The following DAB2IP variants were observed in gnomAD, a reference collection of about 807,000 sequenced individuals.
DAB2IP encodes the protein disabled homolog 2-interacting protein.
In DAB2IP, 28 loss-of-function variants were observed where a neutral mutation model predicts 107.2. That is an observed-to-expected ratio of 0.26 (90% CI 0.19 to 0.36). The LOEUF (loss-of-function observed/expected upper bound fraction) is 0.36. Among genes scored for constraint, DAB2IP ranks in the 10% least tolerant of loss-of-function variants. The pLI is 1.00. For synonymous variants in DAB2IP, 755 were observed against 706.4 expected (o/e 1.07, Z -1.09); for missense variants, 1,400 against 1,644.7 (o/e 0.85, Z 2.57).
intron 2 of DAB2IP, among the ~76,000 whole-genome samples, chr9:121,694,330 C>T (rs944183903): frequency 6.6e-6 from 1 of 152,174 alleles, no homozygotes; most frequent in Non-Finnish European, 1.5e-5. Context: ...AAATCCAAAA[C>T]ATCCTGAATT....
chr9:121,737,834 A>G (rs1832039082), intron 3 of DAB2IP: 1 of 966,260 alleles, frequency 1.0e-6, no homozygotes, highest in South Asian at 4.8e-5. Flanking sequence ...GAGGGTGAGG[A>G]GCTGTTTCTC....
At position 121,701,062 on chromosome 9, in the gene DAB2IP, C is replaced by T. The variant is rs547868476; in HGVS notation, c.362+1604C>T. 5.9e-5 allele frequency among the ~76,000 whole-genome samples: 9 copies of T among 152,268 alleles called. No individual in the cohort carries two copies. In the East Asian group the frequency reaches 1.2e-3, roughly 20 times the overall value. On this transcript the variant is annotated intron_variant, in intron 3 of 15. Transcript: ENST00000408936. The surrounding 1 kb of genome is among the most constrained non-coding windows in gnomAD (Gnocchi z 4.7). ...TTCCCCAGGAACATGCCCTTCTCCG[C>T]GCTTTCCTTGGCGGGGGTCAGGACC...
chr9:121,592,371 A>AAAAAAAAG lies in DAB2IP; in HGVS notation c.40+25149_40+25150insAGAAAAAA, dbSNP rs571682460. Among the ~76,000 whole-genome samples the AAAAAAAAG allele has an allele frequency of 3.5e-3, 531 of 152,212 alleles. 2 individuals carry two copies. The highest frequency in any genetic ancestry group is 0.012 in the African/African-American group (510 of 41,502). On this transcript the variant is annotated intron_variant, in intron 1 of 16. Coordinates refer to the DAB2IP transcript ENST00000259371. The stretch of plus-strand genomic sequence containing the variant: ...ACAGAGCAAGACTCCATCTCAAAAA[A>AAAAAAAAG]AAAAAAGAAAAAAGAAAAATGGCAG...
chr9:121,582,721 A>G (rs910014837), intron 1 of DAB2IP, among the ~76,000 whole-genome samples: 3 of 152,134 alleles, frequency 2.0e-5, no homozygotes, highest in African/African-American at 4.8e-5. Flanking sequence ...CTAAGCCTCT[A>G]CAGTTTCCAT....
At chr9:121,768,464 T>C (rs762851565) in exon 10 of DAB2IP, 1 of 1,614,234 alleles carries the variant, frequency 6.2e-7, no homozygotes, top group Admixed American at 1.7e-5. Context: ...ATGTCCTTCA[T>C]GAACCAGTTC....
exon 16 of DAB2IP, chr9:121,783,346 C>A: frequency 6.8e-7 from 1 of 1,464,380 alleles, no homozygotes; most frequent in South Asian, 1.4e-5. Context: ...GGCCAGATGG[C>A]TCTGAGCACT....
exon 2 of DAB2IP, chr9:121,678,755 T>A: frequency 6.3e-7 from 1 of 1,598,256 alleles, no homozygotes. Context: ...CATGGAGCCC[T>A]CGGCCGCCAC....
intron 8 of DAB2IP, among the ~76,000 whole-genome samples, chr9:121,766,108 T>C (rs929985374): frequency 1.3e-5 from 2 of 152,168 alleles, no homozygotes; most frequent in East Asian, 1.9e-4. Context: ...AAAAATGAAG[T>C]AGACACTGGC....
At chr9:121,641,995 T>TTCTCTCTCTCTCTCTCTCTCTC (rs71370683) in intron 1 of DAB2IP, among the ~76,000 whole-genome samples, 12 of 35,008 alleles carry the variant, frequency 3.4e-4, no homozygotes, top group Admixed American at 3.6e-4. Flanking sequence ...TTTCTTTCCT[T>TTCTCTCTCTCTCTCTCTCTCTC]TCTCTCTCTC....
intron 1 of DAB2IP, among the ~76,000 whole-genome samples, chr9:121,572,395 GATGA>G (rs141995347): frequency 0.011 from 1,645 of 151,564 alleles, 41 homozygotes; most frequent in African/African-American, 0.037. Flanking sequence ...ATACTCAGTG[GATGA>G]ATGAATGAAT....
Position 121,776,431 on chromosome 9 carries a change from C to T in DAB2IP, c.3314+40C>T, listed in dbSNP as rs1415082745. 2.0e-6 allele frequency: 3 copies of T among 1,471,278 alleles called. No individual in the cohort carries two copies. Among genetic ancestry groups the T allele is most frequent in the African/African-American group, 1.4e-5 (1 of 69,920 alleles). 91.1% of individuals were successfully genotyped at this position (1,471,278 alleles called of 1,614,324 possible). On this transcript the variant is annotated intron_variant, in intron 14 of 15. Transcript: ENST00000408936. This position sits in a 1 kb window ranked among gnomAD's most constrained non-coding sequence, Gnocchi z 5.4. ...TGCCTGGCCTGGCCACAGGCACAGG[C>T]AGGGCAGCCATCGCTGCCTTCGAGG... is the stretch of plus-strand genomic sequence containing the variant.
At chr9:121,748,039 C>A (rs908402788) in intron 3 of DAB2IP, among the ~76,000 whole-genome samples, 33 of 152,118 alleles carry the variant, frequency 2.2e-4, no homozygotes, top group African/African-American at 7.7e-4. Flanking sequence ...AGCTTTGGCC[C>A]AAGTCACCCC....
At chr9:121,767,223 T>C (rs1318462484) in intron 9 of DAB2IP, among the ~76,000 whole-genome samples, 1 of 152,212 alleles carries the variant, frequency 6.6e-6, no homozygotes, top group African/African-American at 2.4e-5. Flanking sequence ...TTAGAGCAAG[T>C]GGGCAGAAGT....
At chr9:121,569,798 G>C (rs1829891853) in intron 1 of DAB2IP, among the ~76,000 whole-genome samples, 1 of 152,210 alleles carries the variant, frequency 6.6e-6, no homozygotes, top group Admixed American at 6.5e-5. Flanking sequence ...TCCAGCCTGG[G>C]CGACAGAGAG....
At chr9:121,656,017 T>TA (rs1168175809) in intron 1 of DAB2IP, among the ~76,000 whole-genome samples, 1 of 151,496 alleles carries the variant, frequency 6.6e-6, no homozygotes, top group Admixed American at 6.6e-5. Context: ...CCTGGCTTTT[T>TA]TTTTTTTTGA....
rs139323305 is a variant in DAB2IP, at chr9:121,778,298, A to G, written c.3314+1907A>G. ...AAACCCCTACCTATTAAGATAATCA[A>G]TCACCTTGGGGGTTAGGTGTCAACA... On this transcript the variant is annotated intron_variant, in intron 14 of 15. Transcript: ENST00000408936. Among the ~76,000 whole-genome samples the G allele has an allele frequency of 1.4e-3, 207 of 152,290 alleles. 1 individual carries two copies. The highest frequency in any genetic ancestry group is 8.2e-3 in the Admixed American group (126 of 15,304).
At chr9:121,686,331 C>T (rs1280884887) in intron 2 of DAB2IP, among the ~76,000 whole-genome samples, 1 of 152,172 alleles carries the variant, frequency 6.6e-6, no homozygotes, top group African/African-American at 2.4e-5. Context: ...GTGAAGGGAA[C>T]AAGCCAGCCT....
chr9:121,628,041 T>C (rs520198), intron 1 of DAB2IP, among the ~76,000 whole-genome samples: 87,674 of 151,682 alleles, frequency 0.58, 29,482 homozygotes, highest in Non-Finnish European at 0.77. Context: ...ATTAGGAAAG[T>C]GGTCATTGCT....
chr9:121,626,834 G>A (rs1001276921), intron 1 of DAB2IP, among the ~76,000 whole-genome samples: 2 of 151,972 alleles, frequency 1.3e-5, no homozygotes, highest in Admixed American at 6.6e-5. Flanking sequence ...TGACTTTGGA[G>A]GAAAAGGTTC....
Sources: gnomAD v4.1 joint callset for allele counts (sites outside exome capture counted in the v4.1 genomes callset) on GRCh38, gnomAD v4.1.1 for gene constraint, Gnocchi (gnomAD v3.1) non-coding constraint, MANE v1.5 for transcripts, NCBI Gene and HGNC (gene_info 2026-07-23, HGNC 2026-07-21) for gene names.